Variants in ANK2 observed in about 807,000 individuals in gnomAD.
ANK2 encodes ankyrin-2.
Under a neutral mutation model 360.5 loss-of-function variants are expected in ANK2, and 83 were observed. The observed-to-expected ratio is 0.23, with a 90% CI of 0.19 to 0.28. The LOEUF (loss-of-function observed/expected upper bound fraction) is 0.28. Ranked by LOEUF, ANK2 falls within the 10% of genes least tolerant of loss-of-function variation. The probability of loss-of-function intolerance (pLI) is 1.00; values close to 1 mark genes in which losing one functional copy is unlikely to be tolerated. For synonymous variants in ANK2, 1,740 were observed against 1,759.5 expected (o/e 0.99, Z 0.28); for missense variants, 4,201 against 4,795.7 (o/e 0.88, Z 3.66).
chr4:113,339,418 A>AT, intron 32 of ANK2, 96 bp downstream of exon 32: 1 of 993,456 alleles, frequency 1.0e-6, no homozygotes, highest in Admixed American at 1.8e-5. Flanking sequence ...TTTAAAAGTT[A>AT]TTTTTTCATT....
chr4:113,241,009 T>A (rs550855528), intron 8 of ANK2, among the ~76,000 whole-genome samples: 1 of 152,218 alleles, frequency 6.6e-6, no homozygotes, highest in Non-Finnish European at 1.5e-5. Context: ...TTTGTTCACA[T>A]GAAGTCTTAC....
At chr4:113,303,925 A>T (rs2076100778) in intron 23 of ANK2, among the ~76,000 whole-genome samples, 1 of 152,238 alleles carries the variant, frequency 6.6e-6, no homozygotes, top group Non-Finnish European at 1.5e-5. Flanking sequence ...TAAAATCATA[A>T]GATAAAACTT....
intron 2 of ANK2, among the ~76,000 whole-genome samples, chr4:112,962,827 T>C (rs2035511252): frequency 6.6e-6 from 1 of 152,298 alleles, no homozygotes; most frequent in Middle Eastern, 3.4e-3. Context: ...ATGATTTCAT[T>C]AAACCTTAAT....
intron 24 of ANK2, among the ~76,000 whole-genome samples, chr4:113,317,263 G>A (rs1436908312): frequency 6.6e-6 from 1 of 152,046 alleles, no homozygotes; most frequent in Non-Finnish European, 1.5e-5. Flanking sequence ...AAATGAAACT[G>A]GGCTTTCATT....
intron 2 of ANK2, among the ~76,000 whole-genome samples, chr4:113,183,306 G>C (rs2098453192): frequency 6.6e-6 from 1 of 152,154 alleles, no homozygotes; most frequent in Admixed American, 6.5e-5. Flanking sequence ...AAGACAGTAT[G>C]ATTGGCAGGC....
chr4:113,115,995 A>G (rs1323377599), intron 1 of ANK2, among the ~76,000 whole-genome samples: 3 of 152,192 alleles, frequency 2.0e-5, no homozygotes, highest in Non-Finnish European at 4.4e-5. Context: ...CTAAGAATGA[A>G]TAACTAAGAA....
At chr4:113,143,174 A>G (rs773442997) in intron 1 of ANK2, among the ~76,000 whole-genome samples, 4 of 125,898 alleles carry the variant, frequency 3.2e-5, no homozygotes, top group Non-Finnish European at 6.8e-5. Context: ...TATATCTTGT[A>G]AAGAGCGAGA....
At chr4:112,870,557 A>G (rs1273401666) in intron 1 of ANK2, among the ~76,000 whole-genome samples, 2 of 152,188 alleles carry the variant, frequency 1.3e-5, no homozygotes, top group Non-Finnish European at 2.9e-5. Context: ...TATTCCTTGG[A>G]AAGATTGTAT....
chr4:113,137,736 A>G (rs1022092701), intron 1 of ANK2, among the ~76,000 whole-genome samples: 5 of 152,124 alleles, frequency 3.3e-5, no homozygotes, highest in Non-Finnish European at 7.4e-5. Flanking sequence ...CTGACTGTAA[A>G]GATTAAACAC....
chr4:113,048,248 G>GTATATATATATATATGTATA (rs2065254879), upstream of ANK2, among the ~76,000 whole-genome samples: 1 of 36,252 alleles, frequency 2.8e-5, no homozygotes, highest in Non-Finnish European at 5.3e-5. Context: ...CTACAAGTGT[G>GTATATATATATATATGTATA]TATATATATA....
chr4:113,153,768 C>A (rs577824981), intron 1 of ANK2, among the ~76,000 whole-genome samples: 1 of 152,170 alleles, frequency 6.6e-6, no homozygotes, highest in Non-Finnish European at 1.5e-5. Flanking sequence ...TCAGAAGAAT[C>A]GCCTGGTGTG....
intron 1 of ANK2, among the ~76,000 whole-genome samples, chr4:113,155,698 C>T (rs10028936): frequency 0.68 from 103,551 of 151,490 alleles, 35,942 homozygotes; most frequent in African/African-American, 0.8. Context: ...GAACTTCATA[C>T]TTTTTGATTT....
chr4:112,762,702 G>C, the ANK2 span, among the ~76,000 whole-genome samples: 1 of 152,112 alleles, frequency 6.6e-6, no homozygotes, highest in Non-Finnish European at 1.5e-5. Context: ...TAGAGAGTGG[G>C]TTTCACCACG....
chr4:112,819,267 A>G (rs1351334179), intron 1 of ANK2, among the ~76,000 whole-genome samples: 4 of 152,226 alleles, frequency 2.6e-5, no homozygotes, highest in African/African-American at 9.6e-5. Flanking sequence ...TTCTGTGAAC[A>G]CTTGATAGAG....
At chr4:113,167,566 C>T (rs536421913) in intron 1 of ANK2, among the ~76,000 whole-genome samples, 1 of 152,098 alleles carries the variant, frequency 6.6e-6, no homozygotes, top group South Asian at 2.1e-4. Context: ...CCCCAAAGTG[C>T]GGGGATTACA....
intron 1 of ANK2, among the ~76,000 whole-genome samples, chr4:112,820,448 A>G (rs1420065589): frequency 6.6e-6 from 1 of 152,180 alleles, no homozygotes; most frequent in Non-Finnish European, 1.5e-5. Flanking sequence ...CAATCATGCA[A>G]CCTAAGGAGA....
At chr4:113,181,207 G>A (rs552589748) in intron 2 of ANK2, among the ~76,000 whole-genome samples, 1 of 152,234 alleles carries the variant, frequency 6.6e-6, no homozygotes, top group Non-Finnish European at 1.5e-5. Context: ...GTAGCTTCAT[G>A]CAAATTATTT....
chr4:113,056,757 T>C (rs1177552186), intron 1 of ANK2, among the ~76,000 whole-genome samples: 3 of 152,150 alleles, frequency 2.0e-5, no homozygotes, highest in African/African-American at 7.2e-5. Flanking sequence ...GGGTCATTTT[T>C]AAAAAGCTGC....
the ANK2 span, among the ~76,000 whole-genome samples, chr4:112,711,754 A>C: frequency 6.6e-6 from 1 of 152,174 alleles, no homozygotes; most frequent in South Asian, 2.1e-4. Flanking sequence ...CAGGAGACGG[A>C]GGTTGCAGTG....
Sources: gnomAD v4.1 joint callset for allele counts (sites outside exome capture counted in the v4.1 genomes callset) on GRCh38, gnomAD v4.1.1 for gene constraint, MANE v1.5 for transcripts, NCBI Gene and HGNC (gene_info 2026-07-23, HGNC 2026-07-21) for gene names.